The following ACVR1 variants were observed in gnomAD, a reference collection of about 807,000 sequenced individuals.
ACVR1 encodes activin A receptor type 1.
A neutral mutation model predicts 57.1 loss-of-function variants in ACVR1; 38 were observed. The observed-to-expected ratio is 0.67, with a 90% confidence interval of 0.51 to 0.87. The LOEUF (loss-of-function observed/expected upper bound fraction) is 0.87, where lower values mean the gene tolerates loss of function less well. ACVR1 is among the 40% of genes least tolerant of loss of function. The pLI is 0.00. For missense variants in ACVR1, 463 were observed against 638.2 expected (o/e 0.73, Z 2.96); for synonymous variants, 212 against 228.1 (o/e 0.93, Z 0.63).
chr2:157,787,611 G>T (rs553269010), intron 3 of ACVR1, among the ~76,000 whole-genome samples: 53 of 152,244 alleles, frequency 3.5e-4, no homozygotes, highest in African/African-American at 1.1e-3. Flanking sequence ...CCAGGAATGT[G>T]GTTCCATCGA....
intron 3 of ACVR1, among the ~76,000 whole-genome samples, chr2:157,790,923 G>A (rs1686886367): frequency 6.6e-6 from 1 of 152,168 alleles, no homozygotes. Context: ...CATGCCTGCA[G>A]GGCTCAACTC....
At chr2:157,855,691 A>G (rs1428609124) in intron 1 of ACVR1, among the ~76,000 whole-genome samples, 1 of 152,054 alleles carries the variant, frequency 6.6e-6, no homozygotes, top group Non-Finnish European at 1.5e-5. Context: ...TATAAACTGT[A>G]AAGTCTGGGG....
Position 157,868,133 on chromosome 2 carries a change from C to T in ACVR1, c.-183+7663G>A, listed in dbSNP as rs532866551. ...TGTTCCTTTCGGTTGTCTAAGGTCTCGCATGCCACCCTGAGAAGCTGCATC... is the reference window on the plus strand; with the variant it reads ...TGTTCCTTTCGGTTGTCTAAGGTCTTGCATGCCACCCTGAGAAGCTGCATC... On this transcript the variant is annotated intron_variant, in intron 1 of 10. Transcript: ENST00000434821. Among the ~76,000 whole-genome samples the T allele has an allele frequency of 3.9e-5, 6 of 152,204 alleles. No individual in the cohort carries two copies. In the South Asian group the frequency reaches 6.2e-4, roughly 16 times the overall value.
At chr2:157,839,976 T>G (rs66486668) in intron 1 of ACVR1, among the ~76,000 whole-genome samples, 14,320 of 152,196 alleles carry the variant, frequency 0.094, 722 homozygotes, top group African/African-American at 0.12. Flanking sequence ...CATGCTGAGG[T>G]GTGGTTGAAA....
At chr2:157,817,121 G>A (rs1324110771) in intron 2 of ACVR1, among the ~76,000 whole-genome samples, 1 of 151,986 alleles carries the variant, frequency 6.6e-6, no homozygotes, top group South Asian at 2.1e-4. Context: ...CAACACACCT[G>A]GCTAATTTTT....
intron 3 of ACVR1, among the ~76,000 whole-genome samples, chr2:157,798,983 G>A (rs372436550): frequency 3.3e-5 from 5 of 151,732 alleles, no homozygotes; most frequent in African/African-American, 9.7e-5. Context: ...TACAACCTCC[G>A]CCTCCCAGAT....
chr2:157,804,477 A>G (rs1212078945), intron 2 of ACVR1, among the ~76,000 whole-genome samples: 1 of 152,208 alleles, frequency 6.6e-6, no homozygotes, highest in Non-Finnish European at 1.5e-5. Flanking sequence ...CTTGGGTTCA[A>G]CTAAATCCTT....
chr2:157,819,428 C>G (rs1239879564), intron 1 of ACVR1: 1 of 146,576 alleles, frequency 6.8e-6, no homozygotes, highest in Non-Finnish European at 1.5e-5. Context: ...TACGGTGAGC[C>G]GAGATCACGG....
In ACVR1 at chr2:157,778,163, T is replaced by C; in HGVS notation, c.511A>G (p.Ile171Val). The C allele has an allele frequency of 6.2e-7, 1 of 1,613,892 alleles. No homozygotes were observed. Among genetic ancestry groups the C allele is most frequent in the South Asian group, 1.1e-5 (1 of 91,050 alleles). Residue 171 changes from isoleucine (I) to valine (V), a missense_variant, in exon 5 of 11, where the codon ATC (isoleucine) becomes GTC (valine). Around this residue, in one of 3 missense-constraint regions of ACVR1, gnomAD observed 203 missense variants for 235.5 expected, o/e 0.86. Coordinates refer to ENST00000434821, the MANE Select transcript of ACVR1 (RefSeq NM_001111067.4). ...GTGCTGTCTCCAACATTGGTGGTGA[T>C]GAGCCCTTCGATAGTGCCATACTCC... The part of the protein sequence containing the change: ...DVEYGTIEGL[I>V]TTNVGDSTLA...
chr2:157,841,468 G>A (rs564472679), intron 1 of ACVR1, among the ~76,000 whole-genome samples: 1 of 152,218 alleles, frequency 6.6e-6, no homozygotes, highest in South Asian at 2.1e-4. Flanking sequence ...GTATTTTAAC[G>A]ACCGCATTTA....
chr2:157,857,832 G>A (rs1025651163), intron 1 of ACVR1, among the ~76,000 whole-genome samples: 1 of 152,178 alleles, frequency 6.6e-6, no homozygotes, highest in African/African-American at 2.4e-5. Context: ...GAAAAGGTGA[G>A]TAGTTATGAT....
rs76760667 is a variant in ACVR1 at position 157,751,326 on chromosome 2, C to A, written c.1264+9554G>T. Among the ~76,000 whole-genome samples, 14 of 152,344 alleles carry A rather than the reference C, an allele frequency of 9.2e-5. No homozygotes were observed. In the East Asian group the frequency reaches 2.7e-3, roughly 29 times the overall value. On this transcript the variant is annotated intron_variant, in intron 9 of 10. Transcript: ENST00000434821. Reference sequence around the variant, plus strand: ...TGGGCTCTCTTGGTCCCTGGGGAAGCCATTTCTGACTTGTCTTACAGCGGT... The same window carrying A: ...TGGGCTCTCTTGGTCCCTGGGGAAGACATTTCTGACTTGTCTTACAGCGGT...
chr2:157,778,495 C>A (rs1477841864), intron 4 of ACVR1, among the ~76,000 whole-genome samples, 153 bp from the exon 5 acceptor site: 1 of 152,158 alleles, frequency 6.6e-6, no homozygotes, highest in Non-Finnish European at 1.5e-5. Context: ...TAATGCCTGG[C>A]CAATGGCCCA....
chr2:157,766,159 A>G lies in ACVR1; in HGVS notation c.828T>C (p.Ser276=), dbSNP rs144540293. 4 of 1,614,028 alleles carry G rather than the reference A, an allele frequency of 2.5e-6. No individual in the cohort carries two copies. The African/African-American group carries it at 4.0e-5, about 16-fold the overall frequency. Residue 276 remains serine (S), a synonymous_variant, in exon 8 of 11, where the codon AGT becomes AGC. Coordinates refer to ENST00000434821, the MANE Select transcript of ACVR1 (RefSeq NM_001111067.4). The part of the protein sequence containing the change: ...IASDMTSRHS[S]TQLWLITHYH... ...AATGTGTAATTAACCACAGCTGGGT[A>G]CTGGAGTGTCTTGATGTCATGTCTG...
At chr2:157,815,964 C>T (rs1326362774) in intron 2 of ACVR1, among the ~76,000 whole-genome samples, 2 of 152,124 alleles carry the variant, frequency 1.3e-5, no homozygotes, top group Admixed American at 6.5e-5. Context: ...TAACCTCTCA[C>T]TTGAGGACTG....
At chr2:157,849,224 A>G (rs1689219333) in intron 1 of ACVR1, among the ~76,000 whole-genome samples, 1 of 152,232 alleles carries the variant, frequency 6.6e-6, no homozygotes, top group African/African-American at 2.4e-5. Context: ...TTACCATAAC[A>G]GTCTCTAAAC....
At chr2:157,855,308 G>GTGTGTGTGTATATATATA (rs1307480066) in intron 1 of ACVR1, among the ~76,000 whole-genome samples, 13 of 51,666 alleles carry the variant, frequency 2.5e-4, no homozygotes, top group Admixed American at 1.2e-3. Context: ...GTGTGTGTGT[G>GTGTGTGTGTATATATATA]TATATATATA....
At chr2:157,806,315 G>A (rs1687544944) in intron 2 of ACVR1, among the ~76,000 whole-genome samples, 1 of 150,774 alleles carries the variant, frequency 6.6e-6, no homozygotes, top group Non-Finnish European at 1.5e-5. Flanking sequence ...CCCTCCCACT[G>A]CCCCCAGAAA....
intron 2 of ACVR1, among the ~76,000 whole-genome samples, chr2:157,813,915 G>C (rs763316247): frequency 3.3e-5 from 5 of 152,120 alleles, no homozygotes; most frequent in Non-Finnish European, 7.4e-5. Context: ...CATGACATTA[G>C]AATGAACCAG....
Sources: gnomAD v4.1 joint callset for allele counts (sites outside exome capture counted in the v4.1 genomes callset) on GRCh38, gnomAD v4.1.1 for gene constraint, gnomAD v4.1.1 regional missense constraint, MANE v1.5 for transcripts, NCBI Gene and HGNC (gene_info 2026-07-23, HGNC 2026-07-21) for gene names.